The following ZNF385C variants were observed in gnomAD, a reference collection of about 807,000 sequenced individuals.
The protein encoded by ZNF385C is zinc finger protein 385C, also known as CTD-2132N18.2.
A neutral mutation model predicts 35.4 loss-of-function variants in ZNF385C; 28 were observed. The ratio of observed to expected loss-of-function variants is 0.79; its 90% CI spans 0.59 to 1.08. The LOEUF is 1.08. Among genes scored for constraint, ZNF385C ranks in the 50% least tolerant of loss-of-function variants. ZNF385C has a pLI of 0.00. For missense variants in ZNF385C, 605 were observed against 595.6 expected (o/e 1.02, Z -0.16); for synonymous variants, 248 against 248.2 (o/e 1.00, Z 0.01).
rs1567992422 is a variant in ZNF385C at position 42,062,893 on chromosome 17, G to GC, written c.163dup (p.Ala55GlyfsTer107). On this transcript the variant is annotated frameshift_variant, in exon 2 of 9. Coordinates refer to ENST00000692273, the MANE Select transcript of ZNF385C (RefSeq NM_001392013.1). LOFTEE classifies it high-confidence loss of function. ...CCCACAGTGCACCTGGGCCTGGGCC[G>GC]CCGAGTTCAGCTGGATGTTGCAGAC... 1.5e-6 allele frequency: 1 copy of GC among 679,876 alleles called. No homozygotes were observed. Among genetic ancestry groups the GC allele is most frequent in the Non-Finnish European group, 2.7e-6 (1 of 373,888 alleles). The allele number at this position is 679,876 out of a possible 1,614,324, so 42.1% of individuals were successfully genotyped here.
At chr17:42,085,189 T>C (rs1457506259) in intron 1 of ZNF385C, among the ~76,000 whole-genome samples, 5 of 152,070 alleles carry the variant, frequency 3.3e-5, no homozygotes, top group Non-Finnish European at 7.4e-5. Context: ...CCCAGCACTT[T>C]GGGAAGCCAA....
In ZNF385C at chr17:42,028,803, T is replaced by C. The variant is rs1555654634; in HGVS notation, c.947A>G (p.Gln316Arg). 1.9e-6 allele frequency: 3 copies of C among 1,550,242 alleles called. No homozygotes were observed. In the Admixed American group the frequency reaches 5.9e-5, roughly 30 times the overall value. ...CTGACCTGTGTTGTGAGCCTGAAGCTGGGAGGCCGAGTTCACTGTCACCTT... is the reference window on the plus strand; with the variant it reads ...CTGACCTGTGTTGTGAGCCTGAAGCCGGGAGGCCGAGTTCACTGTCACCTT... The part of the protein sequence containing the change: ...TCKVTVNSAS[Q>R]LQAHNTGAKH... Residue 316 changes from glutamine (Q) to arginine (R), a missense_variant, in exon 6 of 9, where the codon CAG (glutamine) becomes CGG (arginine). Transcript: ENST00000692273.
chr17:42,071,846 T>G (rs2053628170), intron 1 of ZNF385C, among the ~76,000 whole-genome samples: 1 of 152,202 alleles, frequency 6.6e-6, no homozygotes, highest in African/African-American at 2.4e-5. Flanking sequence ...CCCCACTCCC[T>G]GCTTTCCACT....
intron 5 of ZNF385C, among the ~76,000 whole-genome samples, chr17:42,030,653 C>T (rs189332674): frequency 6.6e-6 from 1 of 152,250 alleles, no homozygotes; most frequent in African/African-American, 2.4e-5. Flanking sequence ...ATAGTGTCTC[C>T]CCCAAAATTC....
chr17:42,028,967 G>C lies in ZNF385C; in HGVS notation c.783C>G (p.Ser261=), dbSNP rs1555654693. 6.4e-7 allele frequency: 1 copy of C among 1,550,628 alleles called. No homozygotes were observed. Among genetic ancestry groups the C allele is most frequent in the Non-Finnish European group, 8.7e-7 (1 of 1,147,018 alleles). The stretch of plus-strand genomic sequence containing the variant: ...AGCAAGGTGGGCAGGAGGAAGAAGA[G>C]GATGAGGAGGCAGCATCCAAGAGCT... ...HSELLDAASS[S]SSSSCPPCSP... is the part of the protein sequence containing the mutation. The change falls in exon 6 of 9, where the codon TCC becomes TCG. Residue 261 remains serine, a synonymous_variant. Transcript: ENST00000692273.
chr17:42,072,954 C>T (rs2053646031), intron 1 of ZNF385C, among the ~76,000 whole-genome samples: 1 of 151,960 alleles, frequency 6.6e-6, no homozygotes. Context: ...CACCCCCTGT[C>T]AGCACCACCT....
In ZNF385C at chr17:42,028,818, A is replaced by C; in HGVS notation, c.932T>G (p.Val311Gly). 6.4e-7 allele frequency: 1 copy of C among 1,550,454 alleles called. No individual in the cohort carries two copies. Among genetic ancestry groups the C allele is most frequent in the South Asian group, 1.2e-5 (1 of 84,050 alleles). The change falls in exon 6 of 9, where the codon GTG becomes GGG. Residue 311 changes from valine to glycine, a missense_variant. Coordinates refer to ENST00000692273, the MANE Select transcript of ZNF385C (RefSeq NM_001392013.1). Reference sequence around the variant, plus strand: ...AGCCTGAAGCTGGGAGGCCGAGTTCACTGTCACCTTACACGTGGGGCAGTA... The same window carrying C: ...AGCCTGAAGCTGGGAGGCCGAGTTCCCTGTCACCTTACACGTGGGGCAGTA... ...HLYCPTCKVTVNSASQLQAHN... is the reference protein window; with the variant it reads ...HLYCPTCKVTGNSASQLQAHN...
intron 2 of ZNF385C, among the ~76,000 whole-genome samples, chr17:42,054,582 CTTTTTTTTT>C (rs56706078): frequency 7.4e-6 from 1 of 135,566 alleles, no homozygotes; most frequent in Non-Finnish European, 1.5e-5. Context: ...ACTAGAACTT[CTTTTTTTTT>C]TTTTTTCTGA....
At chr17:42,078,311 C>G (rs1324467822) in intron 1 of ZNF385C, among the ~76,000 whole-genome samples, 1 of 151,956 alleles carries the variant, frequency 6.6e-6, no homozygotes, top group Non-Finnish European at 1.5e-5. Context: ...ATTAAATTCC[C>G]AGATGTAAAA....
At chr17:42,064,439 A>G (rs1555658305) in intron 1 of ZNF385C, among the ~76,000 whole-genome samples, 1 of 152,162 alleles carries the variant, frequency 6.6e-6, no homozygotes. Context: ...GTCCCCTCAA[A>G]ATGCATATGT....
chr17:42,035,001 T>C (rs2052816843), intron 3 of ZNF385C, among the ~76,000 whole-genome samples: 1 of 149,660 alleles, frequency 6.7e-6, no homozygotes, highest in East Asian at 2.0e-4. Flanking sequence ...CACGTGCCTG[T>C]AGTCTCAGCT....
intron 1 of ZNF385C, among the ~76,000 whole-genome samples, chr17:42,090,200 C>CTA (rs1567998049): frequency 6.6e-6 from 1 of 151,088 alleles, no homozygotes; most frequent in Non-Finnish European, 1.5e-5. Flanking sequence ...TGATATTTAA[C>CTA]TATCACCTCT....
In ZNF385C at chr17:42,063,089, G is replaced by A. The variant is rs912816913; in HGVS notation, c.-2-31C>T. On this transcript the variant is annotated intron_variant, in intron 1 of 8. Transcript: ENST00000692273. ...TGGATAGAGAGGGAGATGAATGAACGCCAAATGGTTGCGAATTCTTAGAGA... is the reference window on the plus strand; with the variant it reads ...TGGATAGAGAGGGAGATGAATGAACACCAAATGGTTGCGAATTCTTAGAGA... 16 of 588,518 alleles carry A rather than the reference G, an allele frequency of 2.7e-5. No individual in the cohort carries two copies. The Admixed American group carries it at 2.7e-4, about 10-fold the overall frequency. The allele number at this position is 588,518 out of a possible 1,614,324, so 36.5% of individuals were successfully genotyped here.
chr17:42,090,277 CTTTTTTTTTTTTTTT>C (rs1162613191), intron 1 of ZNF385C, among the ~76,000 whole-genome samples: 1 of 98,892 alleles, frequency 1.0e-5, no homozygotes, highest in Non-Finnish European at 1.8e-5. Context: ...CTCTTATTCC[CTTTTTTTTTTTTTTT>C]TTTTTTTTTT....
At chr17:42,027,979 C>T (rs2052632356) in intron 7 of ZNF385C, 71 bp downstream of exon 7, 1 of 1,559,854 alleles carries the variant, frequency 6.4e-7, no homozygotes, top group Non-Finnish European at 8.8e-7. Context: ...TTCAGGGTCC[C>T]TCCCTCTGCT....
intron 1 of ZNF385C, among the ~76,000 whole-genome samples, chr17:42,085,533 G>C (rs552104033): frequency 6.7e-6 from 1 of 148,868 alleles, no homozygotes; most frequent in African/African-American, 2.5e-5. Flanking sequence ...CAATCTGCCC[G>C]CCTCAGCCTC....
intron 1 of ZNF385C, among the ~76,000 whole-genome samples, chr17:42,064,060 G>T (rs574524154): frequency 7.9e-6 from 1 of 126,436 alleles, no homozygotes; most frequent in African/African-American, 2.8e-5. Context: ...CCCCCAACGC[G>T]CGCACACGCA....
chr17:42,026,806 T>A lies in ZNF385C; in HGVS notation c.*91A>T. 7.9e-7 allele frequency: 1 copy of A among 1,268,100 alleles called. No individual in the cohort carries two copies. The highest frequency in any genetic ancestry group is 1.1e-6 in the Non-Finnish European group (1 of 889,030). 78.6% of individuals were successfully genotyped at this position (1,268,100 alleles called of 1,614,324 possible). A position where few individuals can be genotyped will look rare whatever the true frequency, so the allele number is the denominator to read the frequency against. On this transcript the variant is annotated 3_prime_UTR_variant, in exon 9 of 9. Coordinates refer to ENST00000692273, the MANE Select transcript of ZNF385C (RefSeq NM_001392013.1). ...GCAGGACCCCTGAAGCTGTTCACAG[T>A]CCCTGTGGCATGTAGGAAACCAAGG...
rs1373847538 is a variant in ZNF385C, at chr17:42,055,296, C to T, written c.250+7511G>A. Among the ~76,000 whole-genome samples, 9 of 152,154 alleles carry T rather than the reference C, an allele frequency of 5.9e-5. No homozygotes were observed. The South Asian group carries it at 1.0e-3, about 18-fold the overall frequency. ...AAACTCAAGCCCAGAGCTAATTAAC[C>T]CACCCAGAGACACAGACAGAATCTT... On this transcript the variant is annotated intron_variant, in intron 2 of 8. Coordinates refer to ENST00000692273, the MANE Select transcript of ZNF385C (RefSeq NM_001392013.1).
Sources: allele counts gnomAD v4.1 joint callset (sites outside exome capture counted in the v4.1 genomes callset), GRCh38; gene constraint gnomAD v4.1.1; transcripts MANE v1.5; gene names NCBI Gene and HGNC (gene_info 2026-07-23, HGNC 2026-07-21).